CNTLN: variants seen among roughly 807,000 people sequenced by gnomAD.
The protein encoded by CNTLN is centlein, also known as centlein, centrosomal protein.
In CNTLN, 212 loss-of-function variants were observed where a neutral mutation model predicts 180.0. The ratio of observed to expected loss-of-function variants is 1.18; its 90% CI spans 1.05 to 1.32. The LOEUF (loss-of-function observed/expected upper bound fraction) is 1.32. CNTLN is among the 40% of genes most tolerant of loss of function. CNTLN has a pLI of 0.00. For synonymous variants in CNTLN, 722 were observed against 563.1 expected (o/e 1.28, Z -3.99); for missense variants, 2,095 against 1,610.9 (o/e 1.30, Z -5.14).
the CNTLN span, among the ~76,000 whole-genome samples, chr9:17,527,508 C>T: frequency 3.6e-4 from 55 of 152,178 alleles, no homozygotes; most frequent in African/African-American, 1.1e-3. Context: ...TATACTGGGA[C>T]GGAAGAATTC....
chr9:17,398,428 T>C (rs1309250621), intron 15 of CNTLN, among the ~76,000 whole-genome samples: 1 of 152,098 alleles, frequency 6.6e-6, no homozygotes. Context: ...CTGAGATTAA[T>C]AGGTGATTGG....
chr9:17,339,353 C>T (rs1235838113), intron 10 of CNTLN, among the ~76,000 whole-genome samples: 1 of 152,190 alleles, frequency 6.6e-6, no homozygotes, highest in African/African-American at 2.4e-5. Flanking sequence ...AAGGGCATCA[C>T]TGTTAACATG....
At chr9:17,341,069 A>G (rs763238794) in intron 11 of CNTLN, 121 bp downstream of exon 11, 25 of 875,612 alleles carry the variant, frequency 2.9e-5, no homozygotes, top group Non-Finnish European at 3.8e-5. Context: ...TCAAATCTTT[A>G]TTGTGAATTT....
At chr9:17,268,627 C>G (rs1044483871) in intron 5 of CNTLN, among the ~76,000 whole-genome samples, 1 of 152,162 alleles carries the variant, frequency 6.6e-6, no homozygotes. Context: ...TGTCTGTGCC[C>G]TGCCCCCAGA....
chr9:17,419,937 C>T (rs374627448), intron 18 of CNTLN, among the ~76,000 whole-genome samples: 4 of 152,208 alleles, frequency 2.6e-5, no homozygotes, highest in East Asian at 1.9e-4. Context: ...GTTTTTGAGA[C>T]GGAGTCTCAC....
At chr9:17,509,712 A>G in the CNTLN span, among the ~76,000 whole-genome samples, 2 of 152,162 alleles carry the variant, frequency 1.3e-5, no homozygotes, top group Non-Finnish European at 2.9e-5. Flanking sequence ...TCATGGATCC[A>G]CAAATCAGGG....
intron 18 of CNTLN, among the ~76,000 whole-genome samples, chr9:17,453,595 C>T (rs951446077): frequency 6.6e-6 from 1 of 152,186 alleles, no homozygotes; most frequent in Non-Finnish European, 1.5e-5. Flanking sequence ...GCATTCGTTA[C>T]CTCACAGTGT....
At chr9:17,377,401 C>T (rs535582835) in intron 13 of CNTLN, among the ~76,000 whole-genome samples, 5 of 152,072 alleles carry the variant, frequency 3.3e-5, no homozygotes, top group African/African-American at 7.2e-5. Flanking sequence ...ATTAGCCGGG[C>T]GTAGTGGTGC....
intron 2 of CNTLN, among the ~76,000 whole-genome samples, chr9:17,224,555 A>G (rs1043180736): frequency 6.6e-6 from 1 of 151,726 alleles, no homozygotes; most frequent in Non-Finnish European, 1.5e-5. Flanking sequence ...TAATCTCACT[A>G]TTTTCCTGTG....
At chr9:17,273,509 A>G (rs1828086444) in intron 5 of CNTLN, among the ~76,000 whole-genome samples, 1 of 152,116 alleles carries the variant, frequency 6.6e-6, no homozygotes, top group South Asian at 2.1e-4. Context: ...TTTGCTTCAG[A>G]TTCTTAACTT....
chr9:17,237,396 CACACACACACG>C (rs1563910354), intron 5 of CNTLN, among the ~76,000 whole-genome samples: 188 of 145,498 alleles, frequency 1.3e-3, no homozygotes, highest in African/African-American at 4.7e-3. Context: ...CACACACACA[CACACACACACG>C]GTTAGTCAAC....
In CNTLN at chr9:17,160,730, A is replaced by G. The variant is rs137874213; in HGVS notation, c.449+17354A>G. Among the ~76,000 whole-genome samples the G allele has an allele frequency of 9.5e-3, 1,449 of 152,356 alleles. 14 individuals are homozygous for G. The highest frequency in any genetic ancestry group is 0.017 in the Non-Finnish European group (1,131 of 68,028). ...GTAAAATTCAAGTTAAAGGTAGCCA[A>G]TGAAAATTCTAGGACTTTCTTAATG... On this transcript the variant is annotated intron_variant, in intron 2 of 25. Transcript: ENST00000380647.
At chr9:17,418,505 C>T (rs1033662462) in intron 18 of CNTLN, among the ~76,000 whole-genome samples, 2 of 151,964 alleles carry the variant, frequency 1.3e-5, no homozygotes, top group Non-Finnish European at 2.9e-5. Context: ...TTTCAGGTTA[C>T]CAACTTGAGG....
intron 7 of CNTLN, among the ~76,000 whole-genome samples, chr9:17,302,203 T>C (rs1162870980): frequency 1.1e-5 from 1 of 94,240 alleles, no homozygotes; most frequent in South Asian, 4.3e-4. Flanking sequence ...TGCAATTCAC[T>C]TTTTTTTTTT....
At chr9:17,357,073 A>T (rs201170800) in intron 12 of CNTLN, among the ~76,000 whole-genome samples, 1 of 152,128 alleles carries the variant, frequency 6.6e-6, no homozygotes, top group East Asian at 1.9e-4. Flanking sequence ...GGATTTGCCT[A>T]TTCTAGGTGC....
chr9:17,345,714 G>A (rs988445936), intron 12 of CNTLN, among the ~76,000 whole-genome samples: 1 of 151,870 alleles, frequency 6.6e-6, no homozygotes, highest in Non-Finnish European at 1.5e-5. Context: ...ATTACATTGA[G>A]AACCTCATCA....
rs1168838076 is a variant in CNTLN at position 17,274,489 on chromosome 9, C to CTATCTATA, written c.983+630_983+631insATATCTAT. 2.1e-5 allele frequency among the ~76,000 whole-genome samples: 3 copies of CTATCTATA among 146,214 alleles called. No homozygotes were observed. In the East Asian group the frequency reaches 6.6e-4, roughly 32 times the overall value. ...TCTATCTATCTATCTATCTATCTAT[C>CTATCTATA]TATCTATCTATCTATGTATCTTTCT... is the stretch of plus-strand genomic sequence containing the variant. On this transcript the variant is annotated intron_variant, in intron 6 of 25. Transcript: ENST00000380647.
intron 2 of CNTLN, among the ~76,000 whole-genome samples, chr9:17,163,637 T>C (rs1484279522): frequency 1.3e-5 from 2 of 152,204 alleles, no homozygotes. Flanking sequence ...AATAAATGAA[T>C]GAATAACTGA....
intron 15 of CNTLN, among the ~76,000 whole-genome samples, chr9:17,408,076 G>A (rs1485833148): frequency 2.2e-5 from 3 of 134,656 alleles, no homozygotes; most frequent in African/African-American, 5.6e-5. Flanking sequence ...GCAGTGAGCC[G>A]AGATCGTGCC....
Sources: gnomAD v4.1 joint callset for allele counts (sites outside exome capture counted in the v4.1 genomes callset) on GRCh38, gnomAD v4.1.1 for gene constraint, MANE v1.5 for transcripts, NCBI Gene and HGNC (gene_info 2026-07-23, HGNC 2026-07-21) for gene names.